TENM3: variants seen among roughly 807,000 people sequenced by gnomAD.
The protein encoded by TENM3 is teneurin-3.
A neutral mutation model predicts 255.1 loss-of-function variants in TENM3; 63 were observed. The observed-to-expected ratio is 0.25, with a 90% CI of 0.20 to 0.30. The LOEUF is 0.30. TENM3 is among the 10% of genes least tolerant of loss of function. The pLI, the probability that TENM3 is intolerant of heterozygous loss-of-function variation, is 1.00. For synonymous variants in TENM3, 1,306 were observed against 1,322.3 expected, an observed-to-expected ratio of 0.99 and a Z score of 0.27; for missense variants, 2,929 against 3,461.1, an observed-to-expected ratio of 0.85 and a Z score of 3.86.
At chr4:181,615,609 C>T in the TENM3 span, among the ~76,000 whole-genome samples, 1 of 152,088 alleles carries the variant, frequency 6.6e-6, no homozygotes, top group Non-Finnish European at 1.5e-5. Context: ...AATATAGTAA[C>T]TCCCAGCAGC....
At chr4:182,782,236 G>C (rs2152811806) in intron 24 of TENM3, among the ~76,000 whole-genome samples, 1 of 87,652 alleles carries the variant, frequency 1.1e-5, no homozygotes, top group Middle Eastern at 4.3e-3. Context: ...ATGCGTCCCA[G>C]AGATTCTGGT....
the TENM3 span, among the ~76,000 whole-genome samples, chr4:181,631,589 C>T: frequency 6.6e-6 from 1 of 152,268 alleles, no homozygotes; most frequent in Non-Finnish European, 1.5e-5. Context: ...TGTGCCCAGC[C>T]CTGGCCCAGT....
intron 1 of TENM3, among the ~76,000 whole-genome samples, chr4:182,156,894 C>G (rs1188247078): frequency 6.6e-6 from 1 of 152,144 alleles, no homozygotes; most frequent in Non-Finnish European, 1.5e-5. Flanking sequence ...GGCCTGATCT[C>G]AGACTCACAG....
At chr4:181,929,459 A>G in the TENM3 span, among the ~76,000 whole-genome samples, 1 of 152,216 alleles carries the variant, frequency 6.6e-6, no homozygotes, top group Non-Finnish European at 1.5e-5. Context: ...TGGTAAAGGA[A>G]TCAATGTAAC....
At chr4:182,386,808 A>C (rs1329782621) in intron 3 of TENM3, among the ~76,000 whole-genome samples, 1 of 152,220 alleles carries the variant, frequency 6.6e-6, no homozygotes, top group Non-Finnish European at 1.5e-5. Context: ...CTCCGGACTG[A>C]AGCCCGCCAT....
chr4:182,029,320 A>G, the TENM3 span, among the ~76,000 whole-genome samples: 5 of 152,136 alleles, frequency 3.3e-5, no homozygotes, highest in Admixed American at 3.3e-4. Flanking sequence ...ACACTGGGAA[A>G]TACATTTCAA....
chr4:182,238,578 C>G (rs1757034087), upstream of TENM3, among the ~76,000 whole-genome samples: 1 of 152,098 alleles, frequency 6.6e-6, no homozygotes, highest in South Asian at 2.1e-4. Context: ...CCTTTTTGTT[C>G]CGAGATGAGT....
chr4:182,608,830 G>A (rs576496709), intron 4 of TENM3, among the ~76,000 whole-genome samples: 5 of 152,284 alleles, frequency 3.3e-5, no homozygotes, highest in Admixed American at 2.6e-4. Context: ...GGTGCTCTGC[G>A]GACCATAAAA....
the TENM3 span, among the ~76,000 whole-genome samples, chr4:181,607,102 T>C: frequency 2.6e-5 from 4 of 152,214 alleles, no homozygotes; most frequent in Non-Finnish European, 4.4e-5. Context: ...GGAAAGGGCC[T>C]GCTCTCAGCC....
the TENM3 span, among the ~76,000 whole-genome samples, chr4:181,767,783 C>T: frequency 6.6e-5 from 10 of 151,660 alleles, no homozygotes; most frequent in African/African-American, 2.2e-4. Flanking sequence ...TAGATAAATC[C>T]CAAACTGCTT....
chr4:181,854,151 T>C, the TENM3 span, among the ~76,000 whole-genome samples: 1 of 152,234 alleles, frequency 6.6e-6, no homozygotes, highest in African/African-American at 2.4e-5. Context: ...ATAATGATTA[T>C]GGAAATCGTC....
intron 22 of TENM3, among the ~76,000 whole-genome samples, chr4:182,764,102 ACCTAAAAGAAAATGAAAGTCT>A (rs1763453494): frequency 6.6e-6 from 1 of 152,236 alleles, no homozygotes; most frequent in Admixed American, 6.5e-5. Context: ...CAGCTATGCC[ACCTAAAAGAAAATGAAAGTCT>A]TTTCCATGCT....
chr4:182,114,450 G>A, the TENM3 span, among the ~76,000 whole-genome samples: 9 of 149,706 alleles, frequency 6.0e-5, no homozygotes, highest in South Asian at 2.1e-4. Flanking sequence ...TATTCCAATC[G>A]TTTTTAGGGA....
chr4:181,912,306 C>T, the TENM3 span, among the ~76,000 whole-genome samples: 4 of 152,186 alleles, frequency 2.6e-5, no homozygotes, highest in African/African-American at 7.2e-5. Context: ...ATACATGCTG[C>T]CCTCATGATG....
chr4:182,030,770 A>T, the TENM3 span, among the ~76,000 whole-genome samples: 1 of 152,182 alleles, frequency 6.6e-6, no homozygotes, highest in East Asian at 1.9e-4. Context: ...ATGCTATCTC[A>T]TTGTGGTTTT....
At chr4:182,543,063 A>G (rs976664373) in intron 3 of TENM3, among the ~76,000 whole-genome samples, 4 of 152,208 alleles carry the variant, frequency 2.6e-5, no homozygotes, top group African/African-American at 4.8e-5. Flanking sequence ...TTCCTAACGA[A>G]TGTAGCTTGT....
intron 3 of TENM3, among the ~76,000 whole-genome samples, chr4:182,353,783 T>C (rs1316069912): frequency 6.6e-6 from 1 of 152,044 alleles, no homozygotes; most frequent in Non-Finnish European, 1.5e-5. Context: ...CTGGCCAACA[T>C]GGTGAAACCC....
the TENM3 span, among the ~76,000 whole-genome samples, chr4:182,052,633 T>G: frequency 2.0e-5 from 3 of 152,088 alleles, no homozygotes; most frequent in Non-Finnish European, 4.4e-5. Flanking sequence ...TGCCTAACAT[T>G]CACCTAACAT....
At chr4:182,308,366 G>C (rs1762254789) in intron 1 of TENM3, among the ~76,000 whole-genome samples, 1 of 151,950 alleles carries the variant, frequency 6.6e-6, no homozygotes, top group Non-Finnish European at 1.5e-5. Context: ...ACCCAGGCTG[G>C]AGTGCAGTGG....
Sources: gnomAD v4.1 joint callset for allele counts (sites outside exome capture counted in the v4.1 genomes callset) on GRCh38, gnomAD v4.1.1 for gene constraint, MANE v1.5 for transcripts, NCBI Gene and HGNC (gene_info 2026-07-23, HGNC 2026-07-21) for gene names.